Variants in CNTN3 observed in about 807,000 individuals in gnomAD.
The protein encoded by CNTN3 is contactin-3.
In CNTN3, 60 loss-of-function variants were observed where a neutral mutation model predicts 119.1. The observed-to-expected ratio is 0.50, with a 90% CI of 0.41 to 0.62. CNTN3 has a LOEUF of 0.62. Ranked by LOEUF, CNTN3 falls within the 20% of genes least tolerant of loss-of-function variation. The probability of loss-of-function intolerance (pLI) is 0.00; values close to 1 mark genes in which losing one functional copy is unlikely to be tolerated. For synonymous variants in CNTN3, 450 were observed against 438.7 expected, an observed-to-expected ratio of 1.03 and a Z score of -0.32; for missense variants, 1,101 against 1,242.4, an observed-to-expected ratio of 0.89 and a Z score of 1.71.
intron 1 of CNTN3, among the ~76,000 whole-genome samples, chr3:74,552,753 C>T (rs1440346985): frequency 6.6e-6 from 1 of 151,598 alleles, no homozygotes; most frequent in African/African-American, 2.4e-5. Flanking sequence ...CCACGCTGTC[C>T]TTATGATAGT....
At chr3:74,285,832 T>G in intron 19 of CNTN3, among the ~76,000 whole-genome samples, 1 of 118,830 alleles carries the variant, frequency 8.4e-6, no homozygotes, top group Admixed American at 8.0e-5. Context: ...TATATATATA[T>G]ATATATAAAA....
chr3:74,300,339 A>C (rs1702430584), intron 16 of CNTN3, among the ~76,000 whole-genome samples: 1 of 152,324 alleles, frequency 6.6e-6, no homozygotes, highest in African/African-American at 2.4e-5. Flanking sequence ...ATATGTAAGG[A>C]TGACCCAGAC....
In CNTN3 at chr3:74,301,451, A is replaced by C; in HGVS notation, c.2042T>G (p.Ile681Ser). 2 of 1,614,046 alleles carry C rather than the reference A, an allele frequency of 1.2e-6. No homozygotes were observed. Among genetic ancestry groups the C allele is most frequent in the Non-Finnish European group, 1.7e-6 (2 of 1,179,966 alleles). ...YEFRVVASNK[I>S]GGGEPSLPSE... is the part of the protein sequence containing the mutation. ...GGGTAAACTTGGTTCTCCACCTCCA[A>C]TTTTGTTACTGGCTACAACCCGAAA... Residue 681 changes from isoleucine to serine, a missense_variant, in exon 16 of 23, where the codon ATT becomes AGT. Ile to Ser is a moderately radical substitution (Grantham distance 142, BLOSUM62 -2). Coordinates refer to ENST00000263665, the MANE Select transcript of CNTN3 (RefSeq NM_020872.3).
At chr3:74,533,583 A>C (rs1439623176) in intron 1 of CNTN3, among the ~76,000 whole-genome samples, 2 of 152,152 alleles carry the variant, frequency 1.3e-5, no homozygotes, top group East Asian at 3.9e-4. Flanking sequence ...TAACTGAGGT[A>C]GAAAAACATT....
chr3:74,517,432 T>A (rs1263845534), intron 2 of CNTN3, among the ~76,000 whole-genome samples: 1 of 151,902 alleles, frequency 6.6e-6, no homozygotes, highest in African/African-American at 2.4e-5. Context: ...AAGCAAACGG[T>A]TCATTTACTG....
At chr3:74,376,850 C>T (rs1447935662) in intron 5 of CNTN3, among the ~76,000 whole-genome samples, 1 of 150,376 alleles carries the variant, frequency 6.6e-6, no homozygotes, top group Non-Finnish European at 1.5e-5. Flanking sequence ...TAACAATGAT[C>T]AAGTGTTTGT....
chr3:74,570,781 G>A (rs187011112), intron 1 of CNTN3, among the ~76,000 whole-genome samples: 2 of 152,184 alleles, frequency 1.3e-5, no homozygotes, highest in Admixed American at 6.5e-5. Flanking sequence ...ATTCTCTGAC[G>A]TATCACTTAG....
chr3:74,499,318 A>G lies in CNTN3; in HGVS notation c.182+341T>C, dbSNP rs192677763. ...GGCACACAGAAGTATTTGTTTAACT[A>G]TGATTTCAAATTAACTTTAAAACAC... On this transcript the variant is annotated intron_variant, in intron 3 of 22. Coordinates refer to ENST00000263665, the MANE Select transcript of CNTN3 (RefSeq NM_020872.3). Among the ~76,000 whole-genome samples the G allele has an allele frequency of 8.5e-5, 13 of 152,080 alleles. No homozygotes were observed. The East Asian group carries it at 2.5e-3, about 29-fold the overall frequency.
chr3:74,546,739 C>A (rs191899241), intron 1 of CNTN3, among the ~76,000 whole-genome samples: 5 of 152,122 alleles, frequency 3.3e-5, no homozygotes, highest in Admixed American at 3.3e-4. Context: ...GGCTTCCTTG[C>A]TCCTGAGCTT....
chr3:74,376,205 T>C (rs1704471375), intron 5 of CNTN3, among the ~76,000 whole-genome samples: 1 of 152,100 alleles, frequency 6.6e-6, no homozygotes, highest in South Asian at 2.1e-4. Context: ...TCCACAGAAC[T>C]GTAAGGGAAC....
chr3:74,309,887 G>T (rs538955734), intron 13 of CNTN3, among the ~76,000 whole-genome samples: 4 of 152,124 alleles, frequency 2.6e-5, no homozygotes, highest in Non-Finnish European at 5.9e-5. Flanking sequence ...CAAGCACAAG[G>T]CTCATTTCCT....
At chr3:74,398,714 G>C (rs564598547) in intron 5 of CNTN3, among the ~76,000 whole-genome samples, 1 of 152,310 alleles carries the variant, frequency 6.6e-6, no homozygotes, top group Admixed American at 6.5e-5. Flanking sequence ...GGTATAGTGA[G>C]TTTCAATGAT....
intron 4 of CNTN3, among the ~76,000 whole-genome samples, chr3:74,443,349 C>T (rs540312630): frequency 1.4e-4 from 21 of 152,288 alleles, no homozygotes; most frequent in African/African-American, 4.8e-4. Flanking sequence ...CAAGTCCAAA[C>T]ATGCTGCTTA....
chr3:74,344,086 A>G (rs1228682199), intron 11 of CNTN3, among the ~76,000 whole-genome samples: 1 of 152,228 alleles, frequency 6.6e-6, no homozygotes, highest in Non-Finnish European at 1.5e-5. Context: ...TGTTTGTAAT[A>G]TCCTTAATTC....
chr3:74,396,582 T>C (rs965001476), intron 5 of CNTN3, among the ~76,000 whole-genome samples: 1 of 151,012 alleles, frequency 6.6e-6, no homozygotes, highest in Non-Finnish European at 1.5e-5. Context: ...CCATCTCTAC[T>C]AAAAATACAA....
chr3:74,424,980 C>A, intron 4 of CNTN3, 40 bp from the exon 5 acceptor site: 1 of 1,351,032 alleles, frequency 7.4e-7, no homozygotes, highest in Non-Finnish European at 1.0e-6. Flanking sequence ...TTAGAAAGAC[C>A]AATTAAATCA....
At chr3:74,453,835 T>C (rs983937615) in intron 4 of CNTN3, among the ~76,000 whole-genome samples, 3 of 152,054 alleles carry the variant, frequency 2.0e-5, no homozygotes, top group Non-Finnish European at 4.4e-5. Context: ...TTTGAGTGAG[T>C]TTCTTAATCT....
chr3:74,342,007 G>A (rs1004392349), intron 11 of CNTN3, among the ~76,000 whole-genome samples: 5 of 152,038 alleles, frequency 3.3e-5, no homozygotes, highest in African/African-American at 1.2e-4. Flanking sequence ...AAACTGCTGT[G>A]TAGAAAATAA....
intron 4 of CNTN3, among the ~76,000 whole-genome samples, chr3:74,437,470 A>G (rs1043093731): frequency 7.9e-5 from 12 of 152,134 alleles, no homozygotes; most frequent in East Asian, 7.7e-4. Flanking sequence ...TCAAAAAAAT[A>G]AAAATAAAAA....
Sources: allele counts gnomAD v4.1 joint callset (sites outside exome capture counted in the v4.1 genomes callset), GRCh38; gene constraint gnomAD v4.1.1; transcripts MANE v1.5; gene names NCBI Gene and HGNC (gene_info 2026-07-23, HGNC 2026-07-21).